The following CCT3 variants were observed in gnomAD, a reference collection of about 807,000 sequenced individuals.
The protein encoded by CCT3 is chaperonin containing TCP1 subunit 3.
A neutral mutation model predicts 65.3 loss-of-function variants in CCT3; 10 were observed. The observed-to-expected ratio is 0.15, with a 90% confidence interval of 0.09 to 0.26. The LOEUF (loss-of-function observed/expected upper bound fraction) is 0.26. Among genes scored for constraint, CCT3 ranks in the 10% least tolerant of loss-of-function variants. The pLI is 1.00. For missense variants in CCT3, 626 were observed against 708.7 expected (o/e 0.88, Z 1.33); for synonymous variants, 225 against 242.3 (o/e 0.93, Z 0.66).
intron 8 of CCT3, among the ~76,000 whole-genome samples, chr1:156,317,923 AG>A (rs2101640944): frequency 6.6e-6 from 1 of 152,114 alleles, no homozygotes; most frequent in South Asian, 2.1e-4. Flanking sequence ...CACGTTAGCC[AG>A]GATGGTCTCG....
intron 13 of CCT3, among the ~76,000 whole-genome samples, chr1:156,310,037 CAAAAAAAAAAAAAA>C (rs71080758): frequency 5.2e-5 from 4 of 76,498 alleles, no homozygotes; most frequent in East Asian, 4.1e-4. Context: ...TAGTCTGTTT[CAAAAAAAAAAAAAA>C]AAAAAAAAAA....
At chr1:156,313,350 G>GGAAAAAAA (rs570894422) in intron 10 of CCT3, among the ~76,000 whole-genome samples, 172 of 106,666 alleles carry the variant, frequency 1.6e-3, no homozygotes, top group South Asian at 3.4e-3. Context: ...AAAAAAAAAA[G>GGAAAAAAA]AAAAAAAAAA....
intron 5 of CCT3, among the ~76,000 whole-genome samples, chr1:156,328,045 T>TGTCAGCCCCCCGCCCGG (rs1664917136): frequency 4.3e-4 from 2 of 4,632 alleles, no homozygotes; most frequent in Non-Finnish European, 8.6e-4. Flanking sequence ...GAGGTGGGGG[T>TGTCAGCCCCCCGCCCGG]CCAGCCGCCC....
Position 156,337,937 on chromosome 1 carries a change from A to G in CCT3, c.31+217T>C. ...TCCCAAGACGAGCACACGTCAAGGA[A>G]AGAGGCTCGGCGAGAATAAGGCCAG... On this transcript the variant is annotated intron_variant, in intron 1 of 13. Transcript: ENST00000295688. 3 of 584,066 alleles carry G rather than the reference A, an allele frequency of 5.1e-6. No homozygotes were observed. In the South Asian group the frequency reaches 6.4e-5, roughly 13 times the overall value. The allele number at this position is 584,066 out of a possible 1,614,324, so 36.2% of individuals were successfully genotyped here.
At chr1:156,309,451 A>C (rs1297090697) in intron 13 of CCT3, 148 bp from the exon 14 acceptor site, 2 of 606,092 alleles carry the variant, frequency 3.3e-6, no homozygotes, top group Non-Finnish European at 2.9e-6. Context: ...TTTGAGACGC[A>C]GTTTCCCTCT....
intron 5 of CCT3, among the ~76,000 whole-genome samples, chr1:156,328,720 G>A (rs367561185): frequency 6.6e-5 from 10 of 152,104 alleles, no homozygotes; most frequent in Non-Finnish European, 1.0e-4. Flanking sequence ...CAAACACTGC[G>A]GAAGGCAGCA....
chr1:156,319,814 T>C (rs1313937353), intron 7 of CCT3, among the ~76,000 whole-genome samples: 1 of 152,194 alleles, frequency 6.6e-6, no homozygotes. Flanking sequence ...GCTATACTAC[T>C]AAACTTTTGG....
At chr1:156,317,372 C>A (rs760090780) in intron 9 of CCT3, 43 bp downstream of exon 9, 32 of 1,600,968 alleles carry the variant, frequency 2.0e-5, no homozygotes, top group Non-Finnish European at 2.7e-5. Context: ...CACCCACCCT[C>A]GTCTACCTCA....
In CCT3 at chr1:156,311,215, A is replaced by G; in HGVS notation, c.1156-20T>C. 6.2e-7 allele frequency: 1 copy of G among 1,611,272 alleles called. No individual in the cohort carries two copies. Among genetic ancestry groups the G allele is most frequent in the Non-Finnish European group, 8.5e-7 (1 of 1,178,514 alleles). The stretch of plus-strand genomic sequence containing the variant: ...TACTTCCTTGGAGAAGCAAACAGAC[A>G]GTATGAAGCCAAAGCTTGATGACTC... On this transcript the variant is annotated intron_variant, in intron 11 of 13. Transcript: ENST00000295688.
In CCT3 at chr1:156,328,865, T is replaced by A. The variant is rs866457444; in HGVS notation, c.305-3776A>T. 5.6e-3 allele frequency among the ~76,000 whole-genome samples: 824 copies of A among 145,970 alleles called. 5 individuals are homozygous for A. The highest frequency in any genetic ancestry group is 8.4e-3 in the Non-Finnish European group (556 of 66,354). On this transcript the variant is annotated intron_variant, in intron 5 of 13. Coordinates refer to ENST00000295688, the MANE Select transcript of CCT3 (RefSeq NM_005998.5). ...CAAGAATGATCAATAAAAATAAAAA[T>A]AAAAAAAAAAAATGTACATGTTATT... is the stretch of plus-strand genomic sequence containing the variant.
chr1:156,309,339 G>C (rs755525097), intron 13 of CCT3, 36 bp from the exon 14 acceptor site: 1 of 1,383,140 alleles, frequency 7.2e-7, no homozygotes, highest in South Asian at 1.2e-5. Flanking sequence ...GAGGTCAGCA[G>C]AGAAGGAAAG....
At chr1:156,337,002 AGACG>A in intron 1 of CCT3, 1 of 997,698 alleles carries the variant, frequency 1.0e-6, no homozygotes, top group Non-Finnish European at 1.3e-6. Context: ...AGTATACAGA[AGACG>A]GTAAGGGAGG....
Position 156,314,743 on chromosome 1 carries a change from A to C in CCT3, c.974+2423T>G, listed in dbSNP as rs1664237135. Reference sequence around the variant, plus strand: ...AAAATAAAAAATAAAAACAAAAAAAACCAAACAGAAGATGACTTGATGGAG... The same window carrying C: ...AAAATAAAAAATAAAAACAAAAAAACCCAAACAGAAGATGACTTGATGGAG... On this transcript the variant is annotated intron_variant, in intron 10 of 13. Transcript: ENST00000295688. 3.3e-5 allele frequency among the ~76,000 whole-genome samples: 5 copies of C among 151,986 alleles called. No homozygotes were observed. The South Asian group carries it at 1.0e-3, about 32-fold the overall frequency.
At chr1:156,337,974 G>C (rs568277150) in intron 1 of CCT3, among the ~76,000 whole-genome samples, 180 bp downstream of exon 1, 1 of 152,304 alleles carries the variant, frequency 6.6e-6, no homozygotes, top group Admixed American at 6.5e-5. Flanking sequence ...TTGAGTTTGT[G>C]CAGAGAAGCG....
chr1:156,335,492 T>C (rs1665297612), intron 2 of CCT3: 1 of 270,740 alleles, frequency 3.7e-6, no homozygotes, highest in Admixed American at 4.9e-5. Context: ...ATCCAAGATC[T>C]ACGGTGGGCA....
chr1:156,317,070 C>T, intron 10 of CCT3, 96 bp downstream of exon 10: 2 of 1,080,326 alleles, frequency 1.9e-6, no homozygotes, highest in East Asian at 2.4e-5. Context: ...GTTACTATAT[C>T]CTTTATTAAA....
Position 156,317,467 on chromosome 1 carries a change from C to T in CCT3, c.840G>A (p.Glu280=). Reference sequence around the variant, plus strand: ...CATCGGGCTTCAGTTGGATAATGTCCTCACAGAGCTGCTGGATGTACTCTT... The same window carrying T: ...CATCGGGCTTCAGTTGGATAATGTCTTCACAGAGCTGCTGGATGTACTCTT... ...MEEEYIQQLC[E]DIIQLKPDVV... is the part of the protein sequence containing the mutation. Residue 280 remains glutamate, a synonymous_variant, in exon 9 of 14, where the codon GAG becomes GAA. Transcript: ENST00000295688. 6.2e-7 allele frequency: 1 copy of T among 1,614,046 alleles called. No homozygotes were observed.
intron 1 of CCT3, chr1:156,337,007 G>T: frequency 1.9e-6 from 2 of 1,077,618 alleles, no homozygotes; most frequent in Non-Finnish European, 2.5e-6. Flanking sequence ...ACAGAAGACG[G>T]TAAGGGAGGG....
At chr1:156,329,492 A>G (rs567154523) in intron 5 of CCT3, among the ~76,000 whole-genome samples, 1 of 151,908 alleles carries the variant, frequency 6.6e-6, no homozygotes, top group South Asian at 2.1e-4. Flanking sequence ...TTTTTAGCAA[A>G]GACAGGGTTT....
Sources: allele counts gnomAD v4.1 joint callset (sites outside exome capture counted in the v4.1 genomes callset), GRCh38; gene constraint gnomAD v4.1.1; transcripts MANE v1.5; gene names NCBI Gene and HGNC (gene_info 2026-07-23, HGNC 2026-07-21).